DAGLA: variants seen among roughly 807,000 people sequenced by gnomAD.
The protein encoded by DAGLA is diacylglycerol lipase alpha, also known as diacylglycerol lipase-alpha.
Under a neutral mutation model 102.6 loss-of-function variants are expected in DAGLA, and 22 were observed. That is an observed-to-expected ratio of 0.21 (90% CI 0.15 to 0.31). DAGLA has a LOEUF of 0.31. DAGLA is among the 10% of genes least tolerant of loss of function. DAGLA has a pLI of 1.00. For missense variants in DAGLA, 927 were observed against 1,446.6 expected, an observed-to-expected ratio of 0.64 and a Z score of 5.83; for synonymous variants, 578 against 628.9, an observed-to-expected ratio of 0.92 and a Z score of 1.21.
At position 61,720,198 on chromosome 11, in the gene DAGLA, A is replaced by G. The variant is rs369170284; in HGVS notation, c.43A>G (p.Ser15Gly). The G allele has an allele frequency of 1.2e-6, 2 of 1,613,738 alleles. No homozygotes were observed. Among genetic ancestry groups the G allele is most frequent in the Non-Finnish European group, 1.7e-6 (2 of 1,180,042 alleles). The stretch of plus-strand genomic sequence containing the variant: ...GTTCCGGCGGCGCTGGTCTGTGGGC[A>G]GTGATGACCTCGTCCTACCGGCCAT... The part of the protein sequence containing the change: ...VVFRRRWSVG[S>G]DDLVLPAIFL... Residue 15 changes from serine (S) to glycine (G), a missense_variant, in exon 2 of 20, where the codon AGT becomes GGT. Transcript: ENST00000257215.
chr11:61,737,812 G>A (rs1363076963), intron 15 of DAGLA, 57 bp downstream of exon 15: 2 of 1,449,564 alleles, frequency 1.4e-6, no homozygotes, highest in East Asian at 4.5e-5. Flanking sequence ...CCTCCTCCAG[G>A]CCTCTCCCCA....
intron 19 of DAGLA, among the ~76,000 whole-genome samples, chr11:61,742,997 A>G (rs914180517): frequency 6.6e-6 from 1 of 152,140 alleles, no homozygotes; most frequent in Non-Finnish European, 1.5e-5. Context: ...TTAGCCCCTC[A>G]GGGACCCCGC....
chr11:61,720,419 C>T (rs570404976), intron 2 of DAGLA, among the ~76,000 whole-genome samples, 169 bp downstream of exon 2: 6 of 152,322 alleles, frequency 3.9e-5, no homozygotes, highest in African/African-American at 1.4e-4. Flanking sequence ...GCAATGACAC[C>T]CCTGCTACCA....
In DAGLA at chr11:61,745,527, G is replaced by C. The variant is rs2065529384; in HGVS notation, c.*1038G>C. The C allele has an allele frequency of 6.5e-6, 1 of 152,822 alleles. No homozygotes were observed. The highest frequency in any genetic ancestry group is 1.5e-5 in the Non-Finnish European group (1 of 68,228). 9.5% of individuals were successfully genotyped at this position (152,822 alleles called of 1,614,324 possible). ...TCCTCCCTCCCACCCCCAATGTCCT[G>C]TTGGTAGGAGGTGGGGCCAAGAGTG... On this transcript the variant is annotated 3_prime_UTR_variant, in exon 20 of 20. Transcript: ENST00000257215.
intron 1 of DAGLA, among the ~76,000 whole-genome samples, chr11:61,712,886 C>A (rs2135572809): frequency 6.6e-6 from 1 of 152,272 alleles, no homozygotes; most frequent in South Asian, 2.1e-4. Flanking sequence ...TTTTTTCTTG[C>A]AAGTAGTTCA....
chr11:61,704,142 T>A lies in DAGLA; in HGVS notation c.-44-15970T>A, dbSNP rs2065131997. Among the ~76,000 whole-genome samples, 4 of 146,744 alleles carry A rather than the reference T, an allele frequency of 2.7e-5. No individual in the cohort carries two copies. The South Asian group carries it at 8.5e-4, about 31-fold the overall frequency. On this transcript the variant is annotated intron_variant, in intron 1 of 19. Transcript: ENST00000257215. ...ATTTCTTTTTTTTTTTTTTTTGAGA[T>A]GGAGTCTCACTCTGTCACCCAGGCT... is the stretch of plus-strand genomic sequence containing the variant.
At position 61,735,022 on chromosome 11, in the gene DAGLA, G is replaced by C. The variant is rs375970808; in HGVS notation, c.1128+20G>C. The C allele has an allele frequency of 5.6e-6, 9 of 1,607,796 alleles. No homozygotes were observed. Among genetic ancestry groups the C allele is most frequent in the South Asian group, 1.1e-5 (1 of 90,952 alleles). ...GATGCGGTGAGGCCGGGCAGGGCTG[G>C]GGCCTGGTGTCAGGAGCAGGCAGCT... On this transcript the variant is annotated intron_variant, in intron 10 of 19. Transcript: ENST00000257215.
At chr11:61,716,057 G>A (rs1039066768) in intron 1 of DAGLA, among the ~76,000 whole-genome samples, 2 of 152,202 alleles carry the variant, frequency 1.3e-5, no homozygotes, top group Admixed American at 1.3e-4. Flanking sequence ...GAGCTCAGAG[G>A]GGGAAGGAGC....
intron 1 of DAGLA, among the ~76,000 whole-genome samples, chr11:61,701,338 G>C (rs1405929566): frequency 6.6e-6 from 1 of 152,334 alleles, no homozygotes; most frequent in South Asian, 2.1e-4. Flanking sequence ...TGGGGACTAG[G>C]AGCCAGCCTC....
rs550860164 is a variant in DAGLA, at chr11:61,691,500, A to G, written c.-45+10996A>G. Reference sequence around the variant, plus strand: ...CCCGAGTTCCCACTTCCTGCCTCCAACTGTGTCTGCAGAGCCTGCAGCCTT... The same window carrying G: ...CCCGAGTTCCCACTTCCTGCCTCCAGCTGTGTCTGCAGAGCCTGCAGCCTT... On this transcript the variant is annotated intron_variant, in intron 1 of 19. Transcript: ENST00000257215. 1.2e-4 allele frequency among the ~76,000 whole-genome samples: 18 copies of G among 152,276 alleles called. No homozygotes were observed. In the East Asian group the frequency reaches 1.3e-3, roughly 11 times the overall value.
intron 11 of DAGLA, 25 bp from the exon 12 acceptor site, chr11:61,735,714 C>G (rs201209519): frequency 2.5e-6 from 4 of 1,613,240 alleles, no homozygotes; most frequent in Non-Finnish European, 3.4e-6. Flanking sequence ...TAGCCGCCCC[C>G]TCACCTGTCT....
chr11:61,691,846 T>C (rs2135551921), intron 1 of DAGLA, among the ~76,000 whole-genome samples: 1 of 152,344 alleles, frequency 6.6e-6, no homozygotes, highest in South Asian at 2.1e-4. Flanking sequence ...CTTTCACCTC[T>C]CAGCTGCAGT....
At chr11:61,690,246 G>T (rs546104578) in intron 1 of DAGLA, among the ~76,000 whole-genome samples, 12 of 152,180 alleles carry the variant, frequency 7.9e-5, no homozygotes, top group Non-Finnish European at 1.6e-4. Flanking sequence ...TGACACCTTC[G>T]CTGGGACTGG....
At chr11:61,738,309 G>A in intron 16 of DAGLA, 102 bp downstream of exon 16, 1 of 966,216 alleles carries the variant, frequency 1.0e-6, no homozygotes, top group East Asian at 2.6e-5. Context: ...CCCTGCCATG[G>A]AAGGCCAGGG....
chr11:61,685,197 A>G (rs1277537571), intron 1 of DAGLA, among the ~76,000 whole-genome samples: 1 of 152,134 alleles, frequency 6.6e-6, no homozygotes, highest in African/African-American at 2.4e-5. Flanking sequence ...TCAGTTTCCT[A>G]ATCTGTAAGA....
intron 1 of DAGLA, among the ~76,000 whole-genome samples, chr11:61,688,267 G>A (rs1692124): frequency 0.98 from 147,507 of 149,830 alleles, 72,655 homozygotes; most frequent in Middle Eastern, 1. Context: ...GTGAGCCGAG[G>A]TCGTGCCACT....
chr11:61,700,623 G>C lies in DAGLA; in HGVS notation c.-44-19489G>C, dbSNP rs145095263. 2.7e-3 allele frequency among the ~76,000 whole-genome samples: 409 copies of C among 152,314 alleles called. 2 individuals carry two copies. The highest frequency in any genetic ancestry group is 9.2e-3 in the African/African-American group (384 of 41,568). On this transcript the variant is annotated intron_variant, in intron 1 of 19. Coordinates refer to ENST00000257215, the MANE Select transcript of DAGLA (RefSeq NM_006133.3). ...CTGCTGATGGATCTGGCATCCTAGG[G>C]AAGAGGGAGCCCTTTCTCTCCCACA...
intron 1 of DAGLA, among the ~76,000 whole-genome samples, chr11:61,705,920 C>T (rs998282883): frequency 3.3e-5 from 5 of 152,356 alleles, no homozygotes; most frequent in African/African-American, 1.2e-4. Context: ...TTGGTGTCTT[C>T]ACACCTGCCG....
At chr11:61,705,092 C>T (rs2065138798) in intron 1 of DAGLA, among the ~76,000 whole-genome samples, 1 of 152,144 alleles carries the variant, frequency 6.6e-6, no homozygotes, top group Admixed American at 6.5e-5. Flanking sequence ...AGGGCTGACT[C>T]CCGGAGCTGT....
Sources: gnomAD v4.1 joint callset for allele counts (sites outside exome capture counted in the v4.1 genomes callset) on GRCh38, gnomAD v4.1.1 for gene constraint, MANE v1.5 for transcripts, NCBI Gene and HGNC (gene_info 2026-07-23, HGNC 2026-07-21) for gene names.